The following ERI3 variants were observed in gnomAD, a reference collection of about 807,000 sequenced individuals.
ERI3 encodes ERI1 exoribonuclease 3.
Under a neutral mutation model 44.4 loss-of-function variants are expected in ERI3, and 18 were observed. That is an observed-to-expected ratio of 0.41 (90% CI 0.28 to 0.60). The LOEUF (loss-of-function observed/expected upper bound fraction) is 0.60. ERI3 is among the 20% of genes least tolerant of loss of function. The pLI, the probability that ERI3 is intolerant of heterozygous loss-of-function variation, is 0.36. For synonymous variants in ERI3, 183 were observed against 164.8 expected (o/e 1.11, Z -0.84); for missense variants, 294 against 435.5 (o/e 0.68, Z 2.89).
At chr1:44,253,006 A>G (rs1162672827) in intron 7 of ERI3, among the ~76,000 whole-genome samples, 2 of 152,220 alleles carry the variant, frequency 1.3e-5, no homozygotes, top group Non-Finnish European at 2.9e-5. Context: ...GTGATTGCTC[A>G]AGACTAGGAG....
chr1:44,322,299 C>T (rs1646219222), intron 3 of ERI3, among the ~76,000 whole-genome samples: 2 of 151,984 alleles, frequency 1.3e-5, no homozygotes, highest in Admixed American at 1.3e-4. Context: ...AGCTTCCTCA[C>T]CCATAGGGAA....
At chr1:44,267,493 G>A (rs955111548) in intron 7 of ERI3, among the ~76,000 whole-genome samples, 5 of 152,164 alleles carry the variant, frequency 3.3e-5, no homozygotes, top group African/African-American at 4.8e-5. Context: ...GGAGGAGGGC[G>A]TTGGACAGAT....
At position 44,241,817 on chromosome 1, in the gene ERI3, TACA is replaced by T; in HGVS notation, c.931+6119_931+6121del. 1 of 197,246 alleles carries T rather than the reference TACA, an allele frequency of 5.1e-6. No homozygotes were observed. The highest frequency in any genetic ancestry group is 9.1e-6 in the Non-Finnish European group (1 of 109,860). The allele number at this position is 197,246 out of a possible 1,614,324, so 12.2% of individuals were successfully genotyped here. ...CAAACACACATAACACATACATACA[TACA>T]TACATACATACATACATACATACAT... On this transcript the variant is annotated intron_variant, in intron 8 of 8. Transcript: ENST00000372257. This position sits in a 1 kb window ranked among gnomAD's most constrained non-coding sequence, Gnocchi z 5.6.
rs1644701000 is a variant in ERI3 at position 44,252,450 on chromosome 1, CCT to C, written c.832-4414_832-4413del. On this transcript the variant is annotated intron_variant, in intron 7 of 8. Coordinates refer to ENST00000372257, the MANE Select transcript of ERI3 (RefSeq NM_024066.3). The surrounding 1 kb of genome is among the most constrained non-coding windows in gnomAD (Gnocchi z 4.7). ...CTGCTGTAGGTGCGGCGGGTGGCCCCCTGTGTAACAGGGAGCTTTGCCATTAG... is the reference window on the plus strand; with the variant it reads ...CTGCTGTAGGTGCGGCGGGTGGCCCCGTGTAACAGGGAGCTTTGCCATTAG... Among the ~76,000 whole-genome samples the C allele has an allele frequency of 6.6e-6, 1 of 152,226 alleles. No homozygotes were observed. Among genetic ancestry groups the C allele is most frequent in the South Asian group, 2.1e-4 (1 of 4,834 alleles).
At chr1:44,302,996 C>A (rs1645758323) in intron 6 of ERI3, among the ~76,000 whole-genome samples, 1 of 152,220 alleles carries the variant, frequency 6.6e-6, no homozygotes, top group African/African-American at 2.4e-5. Flanking sequence ...GACTAAATGA[C>A]ATCATATGTG....
intron 8 of ERI3, among the ~76,000 whole-genome samples, chr1:44,229,563 G>A (rs1029086629): frequency 1.3e-5 from 2 of 152,138 alleles, no homozygotes; most frequent in African/African-American, 2.4e-5. Context: ...GGAATAAATA[G>A]AATTTCCACA....
intron 2 of ERI3, among the ~76,000 whole-genome samples, chr1:44,347,570 T>TC (rs1298972292): frequency 6.6e-6 from 1 of 152,064 alleles, no homozygotes; most frequent in African/African-American, 2.4e-5. Flanking sequence ...AGCTCAAATC[T>TC]CCCCCCTTTT....
intron 7 of ERI3, among the ~76,000 whole-genome samples, chr1:44,256,081 G>T (rs1557791405): frequency 6.6e-6 from 1 of 152,150 alleles, no homozygotes; most frequent in African/African-American, 2.4e-5. Context: ...TTGGGGGGTT[G>T]TATTTGCTGT....
In ERI3 at chr1:44,221,644, A is replaced by G. The variant is rs766572632; in HGVS notation, c.932-4T>C. On this transcript the variant is annotated splice_region_variant and splice_polypyrimidine_tract_variant and intron_variant, in intron 8 of 8. Transcript: ENST00000372257. This position sits in a 1 kb window ranked among gnomAD's most constrained non-coding sequence, Gnocchi z 5.9. The stretch of plus-strand genomic sequence containing the variant: ...TTGGCAATGTTCTTGCAGTCGTCTA[A>G]AAAGGAGAGAAGACATTTAGATCAG... 6.2e-7 allele frequency: 1 copy of G among 1,613,130 alleles called. No individual in the cohort carries two copies. The highest frequency in any genetic ancestry group is 8.5e-7 in the Non-Finnish European group (1 of 1,179,104).
In ERI3 at chr1:44,289,150, T is replaced by C. The variant is rs565846159; in HGVS notation, c.759-4243A>G. Among the ~76,000 whole-genome samples, 4 of 152,270 alleles carry C rather than the reference T, an allele frequency of 2.6e-5. No individual in the cohort carries two copies. The East Asian group carries it at 5.8e-4, about 22-fold the overall frequency. On this transcript the variant is annotated intron_variant, in intron 6 of 8. Coordinates refer to ENST00000372257, the MANE Select transcript of ERI3 (RefSeq NM_024066.3). Reference sequence around the variant, plus strand: ...CCGGAATGACATCACTGATGGCCAATAGAAAAGAGCCAATTATGTCCAGGC... The same window carrying C: ...CCGGAATGACATCACTGATGGCCAACAGAAAAGAGCCAATTATGTCCAGGC...
chr1:44,352,760 C>A, intron 2 of ERI3, 90 bp downstream of exon 2: 1 of 1,397,892 alleles, frequency 7.2e-7, no homozygotes, highest in Non-Finnish European at 9.9e-7. Context: ...AAAAAAAATA[C>A]AATCTGCATC....
At chr1:44,295,785 A>G (rs1029696041) in intron 6 of ERI3, among the ~76,000 whole-genome samples, 1 of 152,200 alleles carries the variant, frequency 6.6e-6, no homozygotes, top group African/African-American at 2.4e-5. Flanking sequence ...AAATGCAACA[A>G]ATTTCAACAG....
At chr1:44,310,130 G>A (rs1485385063) in intron 5 of ERI3, among the ~76,000 whole-genome samples, 1 of 152,184 alleles carries the variant, frequency 6.6e-6, no homozygotes, top group African/African-American at 2.4e-5. Context: ...AGGGGAGAAA[G>A]GCAGATCATC....
intron 7 of ERI3, among the ~76,000 whole-genome samples, chr1:44,273,415 T>C (rs570039237): frequency 2.0e-5 from 3 of 152,404 alleles, no homozygotes; most frequent in African/African-American, 4.8e-5. Context: ...TTCCTGGCTA[T>C]GTGCCTTTAG....
chr1:44,314,576 C>T (rs536006382), intron 4 of ERI3, among the ~76,000 whole-genome samples: 10 of 152,256 alleles, frequency 6.6e-5, no homozygotes, highest in African/African-American at 2.2e-4. Flanking sequence ...ACCTCCACAC[C>T]CTTTCCTTGC....
At chr1:44,240,991 G>C (rs1250761241) in intron 8 of ERI3, among the ~76,000 whole-genome samples, 1 of 152,228 alleles carries the variant, frequency 6.6e-6, no homozygotes, top group African/African-American at 2.4e-5. Context: ...AGGTCAGATG[G>C]GGTAGGTCAG....
At chr1:44,335,033 C>A (rs1646503995) in intron 3 of ERI3, among the ~76,000 whole-genome samples, 1 of 152,058 alleles carries the variant, frequency 6.6e-6, no homozygotes, top group Non-Finnish European at 1.5e-5. Context: ...GTGTACCATG[C>A]AGGATCTTGA....
chr1:44,301,764 T>C (rs966578229), intron 6 of ERI3, among the ~76,000 whole-genome samples: 14 of 152,174 alleles, frequency 9.2e-5, no homozygotes, highest in African/African-American at 3.4e-4. Context: ...GTCTTCTAGG[T>C]AAAAAGAGAA....
At chr1:44,320,313 C>T (rs933555827) in intron 3 of ERI3, among the ~76,000 whole-genome samples, 3 of 152,214 alleles carry the variant, frequency 2.0e-5, no homozygotes, top group Non-Finnish European at 4.4e-5. Flanking sequence ...TCCCACCTTT[C>T]AGGCAGCACA....
Sources: gnomAD v4.1 joint callset for allele counts (sites outside exome capture counted in the v4.1 genomes callset) on GRCh38, gnomAD v4.1.1 for gene constraint, Gnocchi (gnomAD v3.1) non-coding constraint, MANE v1.5 for transcripts, NCBI Gene and HGNC (gene_info 2026-07-23, HGNC 2026-07-21) for gene names.